DESI1: variants seen among roughly 807,000 people sequenced by gnomAD.
DESI1 encodes the protein PPPDE peptidase domain containing 2.
In DESI1, 17 loss-of-function variants were observed where a neutral mutation model predicts 22.4. The ratio of observed to expected loss-of-function variants is 0.76; its 90% CI spans 0.52 to 1.14. DESI1 has a LOEUF of 1.14. Among genes scored for constraint, DESI1 ranks in the 50% most tolerant of loss-of-function variants. The pLI is 0.00. For synonymous variants in DESI1, 92 were observed against 84.2 expected (o/e 1.09, Z -0.51); for missense variants, 177 against 208.9 (o/e 0.85, Z 0.94).
At chr22:41,604,225 G>C in intron 3 of DESI1, 72 bp from the exon 4 acceptor site, 1 of 873,504 alleles carries the variant, frequency 1.1e-6, no homozygotes. Context: ...GCTTCCCACA[G>C]TAGACCACAA....
chr22:41,605,616 C>A (rs2067474660), intron 3 of DESI1, among the ~76,000 whole-genome samples: 1 of 152,176 alleles, frequency 6.6e-6, no homozygotes, highest in African/African-American at 2.4e-5. Flanking sequence ...CCCTCTTATT[C>A]ACTCATATAA....
intron 5 of DESI1, among the ~76,000 whole-genome samples, chr22:41,601,391 C>T (rs1480588968): frequency 1.3e-5 from 2 of 152,184 alleles, no homozygotes; most frequent in Admixed American, 6.5e-5. Context: ...AGGGCATCTC[C>T]GAAATAGCCT....
chr22:41,598,210 G>C lies in DESI1; in HGVS notation c.*2887C>G, dbSNP rs2067431435. ...CCTTCCCTATCCCTTTAAACCAATG[G>C]ACCTCTAGAGGTGTCCACTGTGCAA... On this transcript the variant is annotated 3_prime_UTR_variant, in exon 6 of 6. Transcript: ENST00000263256. 1 of 152,038 alleles carries C rather than the reference G, an allele frequency of 6.6e-6. No homozygotes were observed. Among genetic ancestry groups the C allele is most frequent in the Admixed American group, 6.6e-5 (1 of 15,242 alleles). 9.4% of individuals were successfully genotyped at this position (152,038 alleles called of 1,614,324 possible). A position where few individuals can be genotyped will look rare whatever the true frequency, so the allele number is the denominator to read the frequency against.
chr22:41,617,979 C>T (rs2067560502), intron 1 of DESI1, among the ~76,000 whole-genome samples: 1 of 152,208 alleles, frequency 6.6e-6, no homozygotes, highest in South Asian at 2.1e-4. Flanking sequence ...ACCTGGAACA[C>T]TGTTACTCCC....
chr22:41,605,846 G>A (rs575825335), intron 3 of DESI1, among the ~76,000 whole-genome samples: 1 of 152,142 alleles, frequency 6.6e-6, no homozygotes, highest in Non-Finnish European at 1.5e-5. Context: ...AGACCTTCCC[G>A]GTCTGAGGGA....
At chr22:41,616,745 C>T (rs1190963737) in intron 1 of DESI1, among the ~76,000 whole-genome samples, 2 of 152,158 alleles carry the variant, frequency 1.3e-5, no homozygotes, top group Non-Finnish European at 2.9e-5. Flanking sequence ...ATTTTGGGAC[C>T]ATTTTTCATA....
At chr22:41,613,766 G>A (rs2067532385) in intron 1 of DESI1, among the ~76,000 whole-genome samples, 3 of 152,202 alleles carry the variant, frequency 2.0e-5, no homozygotes, top group African/African-American at 4.8e-5. Context: ...AGTACAGCTG[G>A]CAGGTATGGA....
chr22:41,618,137 C>T (rs1443520142), intron 1 of DESI1, among the ~76,000 whole-genome samples: 2 of 151,850 alleles, frequency 1.3e-5, no homozygotes, highest in African/African-American at 4.8e-5. Flanking sequence ...CTGAGGCGGG[C>T]GGATCACTTG....
In DESI1 at chr22:41,598,808, A is replaced by G. The variant is rs929679789; in HGVS notation, c.*2289T>C. The G allele has an allele frequency of 6.6e-6, 1 of 152,360 alleles. No homozygotes were observed. Among genetic ancestry groups the G allele is most frequent in the African/African-American group, 2.4e-5 (1 of 41,476 alleles). The allele number at this position is 152,360 out of a possible 1,614,324, so 9.4% of individuals were successfully genotyped here. A position where few individuals can be genotyped will look rare whatever the true frequency, so the allele number is the denominator to read the frequency against. ...GCCAAGACCAACCTGCTACCCTCCC[A>G]GAAGAAACCCAGCCTCAGAAATTCT... On this transcript the variant is annotated 3_prime_UTR_variant, in exon 6 of 6. Coordinates refer to ENST00000263256, the MANE Select transcript of DESI1 (RefSeq NM_015704.3).
At chr22:41,613,507 TTTCTTATG>T (rs2067530730) in intron 1 of DESI1, among the ~76,000 whole-genome samples, 1 of 152,218 alleles carries the variant, frequency 6.6e-6, no homozygotes, top group Non-Finnish European at 1.5e-5. Context: ...ACCAGGACAG[TTTCTTATG>T]TATCTTTATA....
At chr22:41,620,680 C>G in intron 1 of DESI1, 72 bp downstream of exon 1, 2 of 1,453,454 alleles carry the variant, frequency 1.4e-6, no homozygotes, top group Non-Finnish European at 1.9e-6. Context: ...GCCCAAGTCT[C>G]CCCACCTCGG....
intron 1 of DESI1, among the ~76,000 whole-genome samples, chr22:41,610,873 C>CAA (rs132763): frequency 3.4e-3 from 474 of 139,546 alleles, no homozygotes; most frequent in African/African-American, 7.8e-3. Context: ...AACTCTGTCT[C>CAA]AAAAAAAAAA....
chr22:41,620,970 G>A lies in DESI1; in HGVS notation c.-131C>T, dbSNP rs966593881. ...GAGCCCGGGCCCGGGCTGAGGGGTG[G>A]GGGAGAGGCCGCCCTGCGCTGCTCG... On this transcript the variant is annotated 5_prime_UTR_variant, in exon 1 of 6. Transcript: ENST00000263256. 30 of 952,682 alleles carry A rather than the reference G, an allele frequency of 3.1e-5. No individual in the cohort carries two copies. Among genetic ancestry groups the A allele is most frequent in the Non-Finnish European group, 4.4e-5 (28 of 639,032 alleles). The allele number at this position is 952,682 out of a possible 1,614,324, so 59.0% of individuals were successfully genotyped here. A position where few individuals can be genotyped will look rare whatever the true frequency, so the allele number is the denominator to read the frequency against.
Position 41,604,120 on chromosome 22 carries a change from C to CCACA in DESI1, c.210_213dup (p.Val72CysfsTer3). ...GTGACTTCTGTACTCCCCACATCAACCACAGAGTCTGGAGGCCCAAGCAAT... is the reference window on the plus strand; with the variant it reads ...GTGACTTCTGTACTCCCCACATCAACCACACACAGAGTCTGGAGGCCCAAGCAAT... On this transcript the variant is annotated frameshift_variant, in exon 4 of 6. Transcript: ENST00000263256. LOFTEE classifies it high-confidence loss of function. The CCACA allele has an allele frequency of 6.2e-7, 1 of 1,614,064 alleles. No individual in the cohort carries two copies.
In DESI1 at chr22:41,620,866, A is replaced by G. The variant is rs778748117; in HGVS notation, c.-27T>C. The G allele has an allele frequency of 1.2e-4, 187 of 1,587,800 alleles. No homozygotes were observed. The highest frequency in any genetic ancestry group is 1.5e-4 in the Non-Finnish European group (170 of 1,167,564). On this transcript the variant is annotated 5_prime_UTR_variant, in exon 1 of 6. Coordinates refer to ENST00000263256, the MANE Select transcript of DESI1 (RefSeq NM_015704.3). The stretch of plus-strand genomic sequence containing the variant: ...GGGACCCGTGGCGACGGCGGCCACG[A>G]CGGCCCTCGGGCACCCGGCAGCGGC...
intron 3 of DESI1, among the ~76,000 whole-genome samples, chr22:41,605,389 T>G (rs1311981174): frequency 6.6e-6 from 1 of 152,032 alleles, no homozygotes; most frequent in Non-Finnish European, 1.5e-5. Flanking sequence ...AACCAGCCAC[T>G]GGGGAAGCAA....
chr22:41,612,505 T>C (rs867325787), intron 1 of DESI1, among the ~76,000 whole-genome samples: 1 of 88,562 alleles, frequency 1.1e-5, no homozygotes, highest in Non-Finnish European at 2.7e-5. Flanking sequence ...AACTCTTGTC[T>C]CAAAAAAAGA....
chr22:41,615,152 G>A (rs1355900276), intron 1 of DESI1, among the ~76,000 whole-genome samples: 1 of 142,118 alleles, frequency 7.0e-6, no homozygotes, highest in Non-Finnish European at 1.5e-5. Flanking sequence ...AATACAGGCC[G>A]GGCGCGGTGG....
chr22:41,601,215 G>C, intron 5 of DESI1, 25 bp from the exon 6 acceptor site: 2 of 1,577,310 alleles, frequency 1.3e-6, no homozygotes. Context: ...AGACATGAGA[G>C]GGGTGGGCTC....
Sources: gnomAD v4.1 joint callset for allele counts (sites outside exome capture counted in the v4.1 genomes callset) on GRCh38, gnomAD v4.1.1 for gene constraint, MANE v1.5 for transcripts, NCBI Gene and HGNC (gene_info 2026-07-23, HGNC 2026-07-21) for gene names.